Variants in HYAL4 observed in about 807,000 individuals in gnomAD.
HYAL4 encodes the protein hyaluronidase 4.
In HYAL4, 37 loss-of-function variants were observed where a neutral mutation model predicts 35.2. The ratio of observed to expected loss-of-function variants is 1.05; its 90% CI spans 0.81 to 1.38. The LOEUF (loss-of-function observed/expected upper bound fraction) is 1.38. Ranked by LOEUF, HYAL4 falls within the 40% of genes most tolerant of loss-of-function variation. The pLI, the probability that HYAL4 is intolerant of heterozygous loss-of-function variation, is 0.00. For missense variants in HYAL4, 572 were observed against 572.4 expected (o/e 1.00, Z 0.01); for synonymous variants, 198 against 203.2 (o/e 0.97, Z 0.22).
chr7:123,814,796 C>T, the HYAL4 span: 1 of 132,012 alleles, frequency 7.6e-6, no homozygotes, highest in African/African-American at 2.8e-5. Flanking sequence ...CAGAATAAAT[C>T]CAGAGACGTA....
the HYAL4 span, among the ~76,000 whole-genome samples, chr7:123,816,349 C>T: frequency 6.6e-6 from 1 of 152,242 alleles, no homozygotes; most frequent in Admixed American, 6.5e-5. Flanking sequence ...AGGTATTCCT[C>T]AAGTGATGCC....
chr7:123,806,178 G>A, the HYAL4 span, among the ~76,000 whole-genome samples: 2 of 152,088 alleles, frequency 1.3e-5, no homozygotes, highest in African/African-American at 4.8e-5. Flanking sequence ...TACATACAGA[G>A]ATCAATCAAA....
At chr7:123,805,203 A>G in the HYAL4 span, among the ~76,000 whole-genome samples, 6 of 152,220 alleles carry the variant, frequency 3.9e-5, no homozygotes, top group South Asian at 2.1e-4. Context: ...CTTCTCTTCA[A>G]TTATGCTAGT....
chr7:123,868,730 T>A lies in HYAL4; in HGVS notation c.457T>A (p.Trp153Arg). ...VIDWEYWRPQ[W>R]ARNWNSKDVY... ...AGATTGGGAATATTGGCGACCACAG[T>A]GGGCCCGGAACTGGAACTCAAAAGA... Residue 153 changes from tryptophan (W) to arginine (R), a missense_variant, in exon 3 of 5, where the codon TGG becomes AGG. Coordinates refer to ENST00000223026, the MANE Select transcript of HYAL4 (RefSeq NM_012269.3). 9.9e-6 allele frequency: 16 copies of A among 1,613,948 alleles called. No homozygotes were observed. Among genetic ancestry groups the A allele is most frequent in the Non-Finnish European group, 1.3e-5 (15 of 1,180,004 alleles).
chr7:123,787,410 A>G, the HYAL4 span, among the ~76,000 whole-genome samples: 1 of 152,046 alleles, frequency 6.6e-6, no homozygotes, highest in Non-Finnish European at 1.5e-5. Flanking sequence ...GCTCAAGCCC[A>G]TGTGGCCTGT....
At chr7:123,855,424 T>C (rs1679254610) in intron 2 of HYAL4, among the ~76,000 whole-genome samples, 1 of 152,172 alleles carries the variant, frequency 6.6e-6, no homozygotes, top group African/African-American at 2.4e-5. Flanking sequence ...CAGCGTTTGC[T>C]TGTTTTAAAG....
chr7:123,801,751 CTT>C, the HYAL4 span, among the ~76,000 whole-genome samples: 1 of 152,108 alleles, frequency 6.6e-6, no homozygotes, highest in Non-Finnish European at 1.5e-5. Flanking sequence ...TTATACATCT[CTT>C]GAGTCTACAA....
chr7:123,777,464 A>G, the HYAL4 span, among the ~76,000 whole-genome samples: 2 of 152,174 alleles, frequency 1.3e-5, no homozygotes, highest in South Asian at 2.1e-4. Flanking sequence ...GGCTTGCATT[A>G]TACTTTTGTT....
At chr7:123,839,239 T>G (rs1341840671) in intron 1 of HYAL4, among the ~76,000 whole-genome samples, 1 of 149,598 alleles carries the variant, frequency 6.7e-6, no homozygotes, top group East Asian at 2.0e-4. Context: ...ATGTGGTGTT[T>G]GGTTTTCCAT....
At chr7:123,863,395 G>A (rs758257919) in intron 2 of HYAL4, among the ~76,000 whole-genome samples, 10 of 152,322 alleles carry the variant, frequency 6.6e-5, no homozygotes, top group African/African-American at 1.4e-4. Flanking sequence ...AGTTAAATTA[G>A]TTTACTTTAT....
chr7:123,817,164 T>TC, the HYAL4 span, among the ~76,000 whole-genome samples: 1 of 152,130 alleles, frequency 6.6e-6, no homozygotes, highest in Non-Finnish European at 1.5e-5. Context: ...CCATTGGTCA[T>TC]CCCCTTTATC....
intron 1 of HYAL4, among the ~76,000 whole-genome samples, chr7:123,834,515 G>A (rs114205855): frequency 0.14 from 20,983 of 152,036 alleles, 1,525 homozygotes; most frequent in African/African-American, 0.16. Context: ...TAGGCATGCA[G>A]TCATATCATC....
intron 2 of HYAL4, among the ~76,000 whole-genome samples, chr7:123,863,546 C>G (rs1198794603): frequency 6.6e-6 from 1 of 152,096 alleles, no homozygotes; most frequent in African/African-American, 2.4e-5. Context: ...GGGATTTTCT[C>G]TAGATTAGAT....
chr7:123,813,080 G>C, the HYAL4 span, among the ~76,000 whole-genome samples: 149 of 152,190 alleles, frequency 9.8e-4, 3 homozygotes, highest in East Asian at 0.026. Context: ...GTGAGAGTTA[G>C]CGTACAATTT....
chr7:123,855,692 C>T (rs1476098484), intron 2 of HYAL4, among the ~76,000 whole-genome samples: 1 of 152,036 alleles, frequency 6.6e-6, no homozygotes, highest in Non-Finnish European at 1.5e-5. Context: ...TTGCTCTTCT[C>T]GAGGAGTATC....
chr7:123,846,512 C>T (rs562049206), intron 1 of HYAL4, among the ~76,000 whole-genome samples: 10 of 151,954 alleles, frequency 6.6e-5, no homozygotes, highest in Non-Finnish European at 1.5e-4. Context: ...CAAACAGCAC[C>T]GAGTCTGTTT....
chr7:123,830,159 C>T lies in HYAL4; in HGVS notation c.-257+1035C>T, dbSNP rs538182637. ...ATCATGAAAAGCATTCAGGTTTTGT[C>T]GTAGTTTATTTTAACTTGAATAATT... On this transcript the variant is annotated intron_variant, in intron 1 of 4. Transcript: ENST00000489978. 1.1e-4 allele frequency among the ~76,000 whole-genome samples: 16 copies of T among 152,246 alleles called. 1 individual carries two copies. The South Asian group carries it at 2.7e-3, about 26-fold the overall frequency.
At chr7:123,875,719 A>AT (rs889087043) in intron 4 of HYAL4, among the ~76,000 whole-genome samples, 11 of 150,536 alleles carry the variant, frequency 7.3e-5, no homozygotes, top group Admixed American at 2.0e-4. Context: ...CTCAGCTGAG[A>AT]TTTTTTTTTA....
the HYAL4 span, among the ~76,000 whole-genome samples, chr7:123,799,059 C>T: frequency 6.6e-6 from 1 of 152,144 alleles, no homozygotes; most frequent in Admixed American, 6.5e-5. Flanking sequence ...GGCAATCATA[C>T]AAGCAGGGAA....
Sources: allele counts gnomAD v4.1 joint callset (sites outside exome capture counted in the v4.1 genomes callset), GRCh38; gene constraint gnomAD v4.1.1; transcripts MANE v1.5; gene names NCBI Gene and HGNC (gene_info 2026-07-23, HGNC 2026-07-21).